FTO: variants seen among roughly 807,000 people sequenced by gnomAD.
FTO encodes the protein alpha-ketoglutarate-dependent dioxygenase FTO.
Under a neutral mutation model 63.9 loss-of-function variants are expected in FTO, and 47 were observed. That is an observed-to-expected ratio of 0.74 (90% CI 0.58 to 0.94). The LOEUF is 0.94. FTO is among the 40% of genes least tolerant of loss of function. The pLI, the probability that FTO is intolerant of heterozygous loss-of-function variation, is 0.00. For missense variants in FTO, 562 were observed against 618.1 expected (o/e 0.91, Z 0.96); for synonymous variants, 207 against 224.4 (o/e 0.92, Z 0.69).
intron 7 of FTO, among the ~76,000 whole-genome samples, chr16:53,905,395 G>T (rs989663477): frequency 2.0e-5 from 3 of 152,170 alleles, no homozygotes; most frequent in Admixed American, 6.5e-5. Context: ...TTAGCAGATG[G>T]TTGTGAGATT....
At chr16:53,813,935 G>A (rs977475348) in intron 2 of FTO, among the ~76,000 whole-genome samples, 1 of 152,142 alleles carries the variant, frequency 6.6e-6, no homozygotes, top group East Asian at 1.9e-4. Flanking sequence ...GGCTGAGGTG[G>A]GAGGATCATT....
chr16:54,082,020 C>T (rs1413353690), intron 8 of FTO, among the ~76,000 whole-genome samples: 1 of 152,182 alleles, frequency 6.6e-6, no homozygotes, highest in African/African-American at 2.4e-5. Flanking sequence ...CCCCGTCAGA[C>T]AGGGGGCAAT....
At chr16:53,820,747 C>T (rs753498233) in intron 2 of FTO, among the ~76,000 whole-genome samples, 12 of 151,276 alleles carry the variant, frequency 7.9e-5, no homozygotes, top group Non-Finnish European at 1.3e-4. Flanking sequence ...TTTGTTCTTG[C>T]GATAGTTTAC....
intron 8 of FTO, among the ~76,000 whole-genome samples, chr16:54,038,406 T>G (rs534828721): frequency 3.9e-5 from 6 of 152,168 alleles, no homozygotes; most frequent in African/African-American, 1.4e-4. Context: ...GCATTGTGAT[T>G]ATGCCCAACC....
chr16:53,984,512 G>C (rs990117124), intron 8 of FTO, among the ~76,000 whole-genome samples: 19 of 151,450 alleles, frequency 1.3e-4, no homozygotes, highest in Admixed American at 6.6e-4. Flanking sequence ...GCAGAGACAG[G>C]GTCTTGCCAT....
chr16:53,839,486 A>C (rs1456848568), intron 3 of FTO, among the ~76,000 whole-genome samples: 3 of 152,108 alleles, frequency 2.0e-5, no homozygotes, highest in Non-Finnish European at 4.4e-5. Flanking sequence ...GAGGGGAAAA[A>C]CTCTCACCAA....
intron 8 of FTO, chr16:53,937,842 C>G (rs1199706597): frequency 1.3e-5 from 2 of 152,180 alleles, no homozygotes; most frequent in Non-Finnish European, 2.9e-5. Flanking sequence ...AGGTACAGTT[C>G]AATGTCCACA....
chr16:54,105,507 A>T (rs1213178443), intron 8 of FTO, among the ~76,000 whole-genome samples: 1 of 152,190 alleles, frequency 6.6e-6, no homozygotes, highest in African/African-American at 2.4e-5. Flanking sequence ...ACACCGTTCC[A>T]TCAAACCTTG....
chr16:53,974,282 C>T (rs1422428443), intron 8 of FTO, among the ~76,000 whole-genome samples: 1 of 152,072 alleles, frequency 6.6e-6, no homozygotes, highest in Non-Finnish European at 1.5e-5. Context: ...TATGAGGTAC[C>T]TTGTACAAAG....
At position 53,743,550 on chromosome 16, in the gene FTO, G is replaced by GA. The variant is rs112989649; in HGVS notation, c.45+39321_45+39322insA. 9.5e-3 allele frequency among the ~76,000 whole-genome samples: 1,404 copies of GA among 148,566 alleles called. 19 individuals carry two copies. The highest frequency in any genetic ancestry group is 0.04 in the East Asian group (205 of 5,074). ...TTCTCACTTATAAAAGTGGGAAAGT[G>GA]GGGTAAAGAACTTTTGTCCTCATCT... is the stretch of plus-strand genomic sequence containing the variant. On this transcript the variant is annotated intron_variant, in intron 1 of 8. Transcript: ENST00000471389.
chr16:54,091,049 C>T (rs181416051), intron 8 of FTO, among the ~76,000 whole-genome samples: 44 of 152,172 alleles, frequency 2.9e-4, no homozygotes, highest in Admixed American at 5.9e-4. Context: ...TCACCTGTGC[C>T]GTGATCTGTT....
chr16:53,771,558 T>C (rs1212068212), intron 1 of FTO, among the ~76,000 whole-genome samples: 1 of 152,148 alleles, frequency 6.6e-6, no homozygotes, highest in African/African-American at 2.4e-5. Flanking sequence ...TCAAACTCTT[T>C]TATGTTTCCT....
chr16:53,975,366 T>C (rs2083413151), intron 8 of FTO, among the ~76,000 whole-genome samples: 1 of 152,106 alleles, frequency 6.6e-6, no homozygotes, highest in African/African-American at 2.4e-5. Flanking sequence ...TCTCCATTAT[T>C]TTATCTTTAA....
intron 7 of FTO, among the ~76,000 whole-genome samples, chr16:53,895,297 A>G (rs1384656871): frequency 6.6e-6 from 1 of 152,106 alleles, no homozygotes; most frequent in East Asian, 1.9e-4. Context: ...TTTACAAGAA[A>G]GTGTTGTGTA....
intron 2 of FTO, among the ~76,000 whole-genome samples, chr16:53,820,576 C>T (rs894500230): frequency 9.2e-5 from 14 of 151,478 alleles, no homozygotes; most frequent in African/African-American, 3.4e-4. Context: ...TGCGCTGCAC[C>T]CACTAACTCA....
At chr16:53,940,528 A>C (rs1008601406) in intron 8 of FTO, among the ~76,000 whole-genome samples, 5 of 152,150 alleles carry the variant, frequency 3.3e-5, no homozygotes, top group African/African-American at 1.2e-4. Context: ...CCATTCTCTT[A>C]CATTTCATTC....
chr16:54,041,777 G>A (rs1365188078), intron 8 of FTO, among the ~76,000 whole-genome samples: 1 of 152,180 alleles, frequency 6.6e-6, no homozygotes, highest in Non-Finnish European at 1.5e-5. Flanking sequence ...GACAGGCATT[G>A]CATAGTAAAG....
intron 4 of FTO, among the ~76,000 whole-genome samples, chr16:53,851,167 G>T (rs2079781784): frequency 4.0e-5 from 6 of 151,788 alleles, no homozygotes. Context: ...GGAAAAAATG[G>T]CTGGGTGCGG....
rs192601720 is a variant in FTO, at chr16:54,107,311, C to A, written c.1365-4451C>A. The stretch of plus-strand genomic sequence containing the variant: ...ACAGGATTGAAAGGGGAAACTGTAA[C>A]TTTCTAATTGTTTAGCTGGGTTCAG... On this transcript the variant is annotated intron_variant, in intron 8 of 8. Transcript: ENST00000471389. 5.9e-3 allele frequency among the ~76,000 whole-genome samples: 897 copies of A among 152,186 alleles called. 8 individuals carry two copies. Among genetic ancestry groups the A allele is most frequent in the Non-Finnish European group, 9.0e-3 (612 of 68,006 alleles).
Sources: gnomAD v4.1 joint callset for allele counts (sites outside exome capture counted in the v4.1 genomes callset) on GRCh38, gnomAD v4.1.1 for gene constraint, MANE v1.5 for transcripts, NCBI Gene and HGNC (gene_info 2026-07-23, HGNC 2026-07-21) for gene names.